Variants in MGAM observed in about 807,000 individuals in gnomAD.
MGAM encodes alpha-1,4-glucosidase.
MGAM carries 253 observed loss-of-function variants against 358.8 expected under a neutral mutation model. That is an observed-to-expected ratio of 0.71 (90% CI 0.64 to 0.78). The LOEUF is 0.78. Among genes scored for constraint, MGAM ranks in the 30% least tolerant of loss-of-function variants. The pLI is 0.00. For missense variants in MGAM, 3,080 were observed against 3,432.6 expected (o/e 0.90, Z 2.57); for synonymous variants, 1,105 against 1,227.1 (o/e 0.90, Z 2.08).
chr7:142,065,033 T>C (rs1230572876), intron 37 of MGAM, among the ~76,000 whole-genome samples: 3 of 152,164 alleles, frequency 2.0e-5, no homozygotes, highest in South Asian at 2.1e-4. Flanking sequence ...CTGTGTTCCT[T>C]CTCAAATATA....
At chr7:142,056,236 A>G (rs1563174138) in intron 29 of MGAM, 140 bp downstream of exon 29, 2 of 785,832 alleles carry the variant, frequency 2.5e-6, no homozygotes, top group South Asian at 3.6e-5. Flanking sequence ...CTTTGTGTTT[A>G]GCCTTTCTGT....
At position 142,088,822 on chromosome 7, in the gene MGAM, CATCTATCTATCTATCT is replaced by C. The variant is rs71166559; in HGVS notation, c.6810+2139_6810+2154del. 1.2e-3 allele frequency among the ~76,000 whole-genome samples: 156 copies of C among 124,850 alleles called. 24 individuals carry two copies. The highest frequency in any genetic ancestry group is 1.6e-3 in the Non-Finnish European group (91 of 55,734). The allele number at this position is 124,850 out of a possible 152,430, so 81.9% of individuals were successfully genotyped here. Reference sequence around the variant, plus strand: ...CTATCATTCTATCCTATCTATGTACCATCTATCTATCTATCTATCTATCTATCTATCTATCTATCTA... The same window carrying C: ...CTATCATTCTATCCTATCTATGTACCATCTATCTATCTATCTATCTATCTA... On this transcript the variant is annotated intron_variant, in intron 57 of 70. Coordinates refer to ENST00000475668, the MANE Select transcript of MGAM (RefSeq NM_001365693.1).
At chr7:141,994,064 C>A (rs890191356), upstream of MGAM, among the ~76,000 whole-genome samples, 2 of 152,114 alleles carry the variant, frequency 1.3e-5, no homozygotes, top group African/African-American at 2.4e-5. Flanking sequence ...TTAGTAGAGA[C>A]GCGGTTTCAC....
At chr7:142,064,972 G>A (rs945128752) in intron 37 of MGAM, among the ~76,000 whole-genome samples, 3 of 152,178 alleles carry the variant, frequency 2.0e-5, no homozygotes, top group Admixed American at 6.5e-5. Context: ...GTCCTGCTTT[G>A]CAAGCTCAAT....
intron 58 of MGAM, 109 bp from the exon 59 acceptor site, chr7:142,092,412 T>C: frequency 1.8e-6 from 2 of 1,136,016 alleles, no homozygotes; most frequent in Admixed American, 4.2e-5. Context: ...GGCTGGCATC[T>C]ATAGGGATTA....
chr7:142,039,478 A>T (rs1808310620), intron 19 of MGAM, among the ~76,000 whole-genome samples: 1 of 152,056 alleles, frequency 6.6e-6, no homozygotes, highest in African/African-American at 2.4e-5. Context: ...AATGGTGTAA[A>T]CCATTCATGA....
At chr7:142,068,870 G>A (rs1439134133) in intron 43 of MGAM, among the ~76,000 whole-genome samples, 167 bp downstream of exon 43, 1 of 145,950 alleles carries the variant, frequency 6.9e-6, no homozygotes, top group Admixed American at 6.9e-5. Context: ...CTCCAAGTGG[G>A]GTAAGACCAC....
intron 54 of MGAM, 60 bp downstream of exon 54, chr7:142,084,704 C>T: frequency 6.6e-7 from 1 of 1,511,048 alleles, no homozygotes; most frequent in South Asian, 1.2e-5. Context: ...CTGTGTCTGG[C>T]TTCATTTGTC....
Position 142,092,451 on chromosome 7 carries a change from T to C in MGAM, c.6946-70T>C. On this transcript the variant is annotated intron_variant, in intron 58 of 70. Coordinates refer to ENST00000475668, the MANE Select transcript of MGAM (RefSeq NM_001365693.1). ...GATGTTGAACAATGTATTCACTGCT[T>C]CCTTGGCTCAGAATTGGCAGGACGT... 1.5e-6 allele frequency: 2 copies of C among 1,371,406 alleles called. 1 individual carries two copies. Among genetic ancestry groups the C allele is most frequent in the Non-Finnish European group, 2.0e-6 (2 of 987,844 alleles). 85.0% of individuals were successfully genotyped at this position (1,371,406 alleles called of 1,614,324 possible).
intron 21 of MGAM, 79 bp downstream of exon 21, chr7:142,040,925 C>A: frequency 6.7e-7 from 1 of 1,491,182 alleles, no homozygotes; most frequent in South Asian, 1.4e-5. Flanking sequence ...AACACACTAA[C>A]AGCCAGGTGG....
intron 3 of MGAM, among the ~76,000 whole-genome samples, chr7:142,013,586 C>A (rs149748869): frequency 6.6e-6 from 1 of 152,072 alleles, no homozygotes; most frequent in Admixed American, 6.6e-5. Context: ...GAATTACTTT[C>A]GAGAAAGTTT....
chr7:142,036,071 A>C, intron 16 of MGAM, 98 bp from the exon 17 acceptor site: 1 of 845,492 alleles, frequency 1.2e-6, no homozygotes, highest in Non-Finnish European at 1.9e-6. Flanking sequence ...TCTCGGTAGG[A>C]GGTTTAAGCA....
chr7:142,023,032 T>C (rs1806607984), intron 7 of MGAM, among the ~76,000 whole-genome samples: 1 of 152,154 alleles, frequency 6.6e-6, no homozygotes. Flanking sequence ...TTGGCAATAC[T>C]CTGTTGTTCA....
chr7:142,023,255 T>G (rs151142271), intron 7 of MGAM, among the ~76,000 whole-genome samples: 4,152 of 151,984 alleles, frequency 0.027, 141 homozygotes, highest in African/African-American at 0.076. Flanking sequence ...GTAGAGACTG[T>G]GTTTCGCCAT....
At chr7:142,040,571 A>ATT (rs59648107) in intron 20 of MGAM, 151 bp from the exon 21 acceptor site, 1 of 1,044,386 alleles carries the variant, frequency 9.6e-7, no homozygotes, top group South Asian at 1.6e-5. Context: ...GTTATTCTTG[A>ATT]TTTTTTTCCT....
chr7:142,059,258 G>A (rs984426252), intron 31 of MGAM, among the ~76,000 whole-genome samples: 6 of 152,160 alleles, frequency 3.9e-5, no homozygotes, highest in African/African-American at 7.2e-5. Context: ...ATCCTAGCTT[G>A]TGCTGACTTC....
chr7:142,007,584 G>T (rs1554452861), intron 2 of MGAM, among the ~76,000 whole-genome samples: 6 of 152,078 alleles, frequency 3.9e-5, no homozygotes, highest in Non-Finnish European at 4.4e-5. Context: ...CCAATGAAAA[G>T]AAAACCAATC....
chr7:142,054,722 T>C (rs367663439), intron 26 of MGAM, 32 bp from the exon 27 acceptor site: 1 of 1,612,092 alleles, frequency 6.2e-7, no homozygotes, highest in Non-Finnish European at 8.5e-7. Context: ...AAGAGTAGTA[T>C]TGTTGCCTAA....
intron 67 of MGAM, among the ~76,000 whole-genome samples, chr7:142,099,998 G>A (rs1203910083): frequency 1.3e-5 from 2 of 152,160 alleles, no homozygotes. Flanking sequence ...TGAAATGGAA[G>A]TCAAAATAGG....
Sources: allele counts gnomAD v4.1 joint callset (sites outside exome capture counted in the v4.1 genomes callset), GRCh38; gene constraint gnomAD v4.1.1; transcripts MANE v1.5; gene names NCBI Gene and HGNC (gene_info 2026-07-23, HGNC 2026-07-21).